Variants in LSM1 observed in about 807,000 individuals in gnomAD.
The protein encoded by LSM1 is LSM1 homolog, mRNA degradation associated.
In LSM1, 13 loss-of-function variants were observed where a neutral mutation model predicts 18.0. The ratio of observed to expected loss-of-function variants is 0.72; its 90% CI spans 0.47 to 1.15. The LOEUF is 1.15. Ranked by LOEUF, LSM1 falls within the 50% of genes most tolerant of loss-of-function variation. The pLI, the probability that LSM1 is intolerant of heterozygous loss-of-function variation, is 0.00. For synonymous variants in LSM1, 46 were observed against 56.0 expected (o/e 0.82, Z 0.80); for missense variants, 152 against 157.7 (o/e 0.96, Z 0.19).
At chr8:38,167,841 G>A (rs1299631021) in intron 3 of LSM1, among the ~76,000 whole-genome samples, 1 of 152,060 alleles carries the variant, frequency 6.6e-6, no homozygotes, top group Non-Finnish European at 1.5e-5. Flanking sequence ...CTAAGCCTAG[G>A]AGTTTGAATC....
chr8:38,164,299 G>A (rs1802891478), intron 3 of LSM1, among the ~76,000 whole-genome samples: 1 of 152,110 alleles, frequency 6.6e-6, no homozygotes, highest in Non-Finnish European at 1.5e-5. Flanking sequence ...TGATCTGCCT[G>A]CCTTGGCCTC....
chr8:38,170,434 T>C (rs969588051), intron 2 of LSM1, among the ~76,000 whole-genome samples: 2 of 152,196 alleles, frequency 1.3e-5, no homozygotes, highest in South Asian at 2.1e-4. Flanking sequence ...TGGGATTATG[T>C]TGGGCTAATA....
At chr8:38,166,707 C>G (rs758318803) in intron 3 of LSM1, among the ~76,000 whole-genome samples, 3 of 152,200 alleles carry the variant, frequency 2.0e-5, no homozygotes, top group Non-Finnish European at 2.9e-5. Context: ...AGAGGACTCT[C>G]ACCACAGAAG....
intron 3 of LSM1, among the ~76,000 whole-genome samples, chr8:38,164,899 C>T (rs1802904307): frequency 6.6e-6 from 1 of 152,144 alleles, no homozygotes; most frequent in South Asian, 2.1e-4. Context: ...GCTGGGGCTA[C>T]AGGTGTGCGC....
intron 3 of LSM1, chr8:38,166,019 TAGA>T (rs1207940794): frequency 6.6e-6 from 1 of 152,418 alleles, no homozygotes; most frequent in Non-Finnish European, 1.5e-5. Flanking sequence ...TTTAAAGATA[TAGA>T]AGACTTCATG....
Position 38,163,376 on chromosome 8 carries a change from C to A in LSM1, c.*294G>T. The A allele has an allele frequency of 3.8e-6, 1 of 260,310 alleles. No homozygotes were observed. The allele number at this position is 260,310 out of a possible 1,614,324, so 16.1% of individuals were successfully genotyped here. On this transcript the variant is annotated 3_prime_UTR_variant, in exon 4 of 4. Coordinates refer to ENST00000311351, the MANE Select transcript of LSM1 (RefSeq NM_014462.3). ...TATTTTATTTACAAGTAAATGAAGA[C>A]TGTCCCTGTAAACTCTAATTTGGGA... is the stretch of plus-strand genomic sequence containing the variant.
At chr8:38,175,860 G>C (rs1803125739) in intron 1 of LSM1, 1 of 160,146 alleles carries the variant, frequency 6.2e-6, no homozygotes, top group Non-Finnish European at 1.4e-5. Context: ...TAATATTTTC[G>C]CTTTTTAATG....
At chr8:38,168,717 C>A (rs1304452514) in intron 3 of LSM1, among the ~76,000 whole-genome samples, 1 of 151,364 alleles carries the variant, frequency 6.6e-6, no homozygotes, top group Non-Finnish European at 1.5e-5. Flanking sequence ...ATAAGTATTA[C>A]TTATAAATAT....
intron 3 of LSM1, among the ~76,000 whole-genome samples, chr8:38,167,933 C>T (rs959592475): frequency 6.6e-6 from 1 of 151,826 alleles, no homozygotes; most frequent in Non-Finnish European, 1.5e-5. Context: ...TAGTGTCTCC[C>T]CATGGGTACC....
At chr8:38,171,917 T>A (rs1436409504) in intron 2 of LSM1, 48 bp downstream of exon 2, 1 of 1,356,118 alleles carries the variant, frequency 7.4e-7, no homozygotes, top group African/African-American at 1.5e-5. Context: ...TGCAATGGGC[T>A]GCTGTTATTA....
chr8:38,164,665 A>AAAAACAAAAC (rs140846565), intron 3 of LSM1, among the ~76,000 whole-genome samples: 21,810 of 150,906 alleles, frequency 0.14, 2,018 homozygotes, highest in East Asian at 0.29. Context: ...AACTCCACCA[A>AAAAACAAAAC]AAAACAAAAC....
At chr8:38,164,620 G>C (rs1013434764) in intron 3 of LSM1, among the ~76,000 whole-genome samples, 2 of 151,162 alleles carry the variant, frequency 1.3e-5, no homozygotes, top group Admixed American at 6.6e-5. Context: ...CTAGGAGTTC[G>C]AGACCAGCCT....
chr8:38,171,025 G>A, intron 2 of LSM1: 1 of 431,472 alleles, frequency 2.3e-6, no homozygotes, highest in South Asian at 1.6e-5. Context: ...TGAAACAGAA[G>A]GAAACATAAT....
rs780459338 is a variant in LSM1 at position 38,176,366 on chromosome 8, G to C, written c.-46C>G. The C allele has an allele frequency of 6.5e-6, 10 of 1,547,684 alleles. No individual in the cohort carries two copies. The highest frequency in any genetic ancestry group is 8.9e-6 in the Non-Finnish European group (10 of 1,128,072). ...CAATGCACAGCGGCGGGAGGCCAGC[G>C]CGTCCAAAACCTCTTCCCTCCTACC... is the stretch of plus-strand genomic sequence containing the variant. On this transcript the variant is annotated 5_prime_UTR_variant, in exon 1 of 4. Transcript: ENST00000311351.
At chr8:38,172,170 G>GA (rs373005206) in intron 1 of LSM1, 137 bp from the exon 2 acceptor site, 7 of 574,868 alleles carry the variant, frequency 1.2e-5, no homozygotes, top group East Asian at 3.5e-5. Flanking sequence ...TTGGAAAACT[G>GA]AAAAAAGCAG....
At chr8:38,169,382 C>T (rs2130642935) in intron 3 of LSM1, among the ~76,000 whole-genome samples, 1 of 152,190 alleles carries the variant, frequency 6.6e-6, no homozygotes, top group Non-Finnish European at 1.5e-5. Flanking sequence ...AACGGAAAAG[C>T]TTTTCCTATA....
At chr8:38,176,096 C>T (rs1419863769) in intron 1 of LSM1, 179 bp downstream of exon 1, 9 of 518,496 alleles carry the variant, frequency 1.7e-5, no homozygotes, top group Non-Finnish European at 3.1e-5. Context: ...CAGCAGGCTA[C>T]TGGGTGGGCA....
At position 38,163,556 on chromosome 8, in the gene LSM1, A is replaced by C; in HGVS notation, c.*114T>G. On this transcript the variant is annotated 3_prime_UTR_variant, in exon 4 of 4. Transcript: ENST00000311351. The stretch of plus-strand genomic sequence containing the variant: ...CATATGTAAAATAATTAAAAATAAA[A>C]GTGACTTTTCAAAACTCTACAGTCT... 1 of 877,840 alleles carries C rather than the reference A, an allele frequency of 1.1e-6. No individual in the cohort carries two copies. Among genetic ancestry groups the C allele is most frequent in the Non-Finnish European group, 1.7e-6 (1 of 587,678 alleles). 54.4% of individuals were successfully genotyped at this position (877,840 alleles called of 1,614,324 possible).
chr8:38,172,179 A>AAAG, intron 1 of LSM1, 146 bp from the exon 2 acceptor site: 3 of 635,304 alleles, frequency 4.7e-6, no homozygotes, highest in Middle Eastern at 3.0e-4. Context: ...TGAAAAAAGC[A>AAAG]GCACAGCAAC....
Sources: allele counts gnomAD v4.1 joint callset (sites outside exome capture counted in the v4.1 genomes callset), GRCh38; gene constraint gnomAD v4.1.1; transcripts MANE v1.5; gene names NCBI Gene and HGNC (gene_info 2026-07-23, HGNC 2026-07-21).